Variants in TAF4 observed in about 807,000 individuals in gnomAD.
The protein encoded by TAF4 is TATA-box binding protein associated factor 4.
A neutral mutation model predicts 90.3 loss-of-function variants in TAF4; 9 were observed. That is an observed-to-expected ratio of 0.10 (90% CI 0.06 to 0.17). The LOEUF is 0.17. Ranked by LOEUF, TAF4 falls within the 10% of genes least tolerant of loss-of-function variation. The probability of loss-of-function intolerance (pLI) is 1.00; values close to 1 mark genes in which losing one functional copy is unlikely to be tolerated. For synonymous variants in TAF4, 818 were observed against 638.9 expected (o/e 1.28, Z -4.23); for missense variants, 1,351 against 1,370.7 (o/e 0.99, Z 0.23).
Position 62,065,222 on chromosome 20 carries a change from T to C in TAF4, c.589A>G (p.Thr197Ala). 8.8e-7 allele frequency: 1 copy of C among 1,139,146 alleles called. No homozygotes were observed. Among genetic ancestry groups the C allele is most frequent in the Non-Finnish European group, 1.1e-6 (1 of 912,218 alleles). 70.6% of individuals were successfully genotyped at this position (1,139,146 alleles called of 1,614,324 possible). ...GKPAGPGAAQ[T>A]LNGSAALLNS... Reference sequence around the variant, plus strand: ...AGCAGCGCGGCGCTCCCATTCAAAGTTTGCGCGGCGCCGGGGCCGGCGGGC... The same window carrying C: ...AGCAGCGCGGCGCTCCCATTCAAAGCTTGCGCGGCGCCGGGGCCGGCGGGC... The change falls in exon 1 of 15, where the codon ACT becomes GCT. Residue 197 changes from threonine (T) to alanine (A), a missense_variant. By Grantham distance (58) the Thr-to-Ala change is moderately conservative. This residue lies in a region of TAF4 where 782 missense variants were observed against 536.6 expected (regional missense o/e 1.46). Coordinates refer to ENST00000252996, the MANE Select transcript of TAF4 (RefSeq NM_003185.4).
chr20:62,021,340 A>G (rs2055841790), intron 1 of TAF4, among the ~76,000 whole-genome samples: 2 of 152,250 alleles, frequency 1.3e-5, no homozygotes, highest in Admixed American at 1.3e-4. Flanking sequence ...TCAAGGATGA[A>G]GCAGAAGGGA....
At chr20:62,029,477 C>CGT (rs758879604) in intron 1 of TAF4, among the ~76,000 whole-genome samples, 32 of 104,590 alleles carry the variant, frequency 3.1e-4, no homozygotes, top group African/African-American at 1.2e-3. Flanking sequence ...TGCCCACGTG[C>CGT]GCGCGCGCGC....
intron 1 of TAF4, among the ~76,000 whole-genome samples, chr20:62,015,466 G>A (rs2055807087): frequency 6.6e-6 from 1 of 152,186 alleles, no homozygotes; most frequent in Non-Finnish European, 1.5e-5. Context: ...AACTTCCCAT[G>A]ACAGAGGTGG....
chr20:62,010,271 C>T lies in TAF4; in HGVS notation c.1642-106G>A. The T allele has an allele frequency of 1.3e-6, 2 of 1,524,406 alleles. No homozygotes were observed. The highest frequency in any genetic ancestry group is 2.3e-5 in the East Asian group (1 of 43,444). The allele number at this position is 1,524,406 out of a possible 1,614,324, so 94.4% of individuals were successfully genotyped here. A position where few individuals can be genotyped will look rare whatever the true frequency, so the allele number is the denominator to read the frequency against. ...AAGAAAACAAGCCTCCCTGCGGTGGCCAGGACGCCCAGGAAGCCAAGGACC... is the reference window on the plus strand; with the variant it reads ...AAGAAAACAAGCCTCCCTGCGGTGGTCAGGACGCCCAGGAAGCCAAGGACC... On this transcript the variant is annotated intron_variant, in intron 3 of 14. Transcript: ENST00000252996. This position sits in a 1 kb window ranked among gnomAD's most constrained non-coding sequence, Gnocchi z 4.5.
chr20:61,979,583 G>T (rs1487006663), intron 14 of TAF4, among the ~76,000 whole-genome samples: 1 of 142,970 alleles, frequency 7.0e-6, no homozygotes, highest in Non-Finnish European at 1.5e-5. Flanking sequence ...CAGGCGCGAC[G>T]GCCTCTAGAG....
chr20:62,028,213 G>A (rs971257571), intron 1 of TAF4, among the ~76,000 whole-genome samples: 1 of 152,150 alleles, frequency 6.6e-6, no homozygotes, highest in African/African-American at 2.4e-5. Flanking sequence ...CCCAACACAC[G>A]GGTTCTGGCC....
chr20:62,012,500 C>CAG, intron 3 of TAF4: 1 of 215,098 alleles, frequency 4.6e-6, no homozygotes, highest in Non-Finnish European at 9.1e-6. Flanking sequence ...GCTTCTGCTT[C>CAG]AGACATGCCT....
chr20:62,016,337 T>G (rs1047670915), intron 1 of TAF4, among the ~76,000 whole-genome samples: 1 of 152,214 alleles, frequency 6.6e-6, no homozygotes, highest in Non-Finnish European at 1.5e-5. Context: ...AGGTTAACAT[T>G]TGAGTCAGCG....
intron 1 of TAF4, among the ~76,000 whole-genome samples, chr20:62,023,215 G>A (rs2055853671): frequency 6.6e-6 from 1 of 152,254 alleles, no homozygotes; most frequent in African/African-American, 2.4e-5. Flanking sequence ...GCCAAGGCGG[G>A]CAGATCATTT....
At chr20:62,012,651 G>A (rs1165084445) in intron 3 of TAF4, 164 bp downstream of exon 3, 21 of 953,176 alleles carry the variant, frequency 2.2e-5, no homozygotes, top group Non-Finnish European at 2.9e-5. Flanking sequence ...CCATGTTGGT[G>A]GTCAAAGAAA....
intron 1 of TAF4, among the ~76,000 whole-genome samples, chr20:62,019,578 G>A (rs900900967): frequency 3.3e-5 from 5 of 152,210 alleles, no homozygotes; most frequent in Non-Finnish European, 7.3e-5. Context: ...CAGTGGCCAC[G>A]AGACGCCTCC....
chr20:62,017,787 T>C (rs1480701114), intron 1 of TAF4, among the ~76,000 whole-genome samples: 10 of 151,688 alleles, frequency 6.6e-5, no homozygotes, highest in East Asian at 3.9e-4. Context: ...TGAGCCGAGA[T>C]TGCACCACTG....
At chr20:62,029,587 C>T (rs2145491963) in intron 1 of TAF4, among the ~76,000 whole-genome samples, 1 of 152,270 alleles carries the variant, frequency 6.6e-6, no homozygotes, top group Admixed American at 6.5e-5. Flanking sequence ...TGACTCCTGG[C>T]CTCCAGGAGC....
intron 1 of TAF4, among the ~76,000 whole-genome samples, chr20:62,063,585 C>T (rs931922189): frequency 6.6e-6 from 1 of 152,150 alleles, no homozygotes; most frequent in African/African-American, 2.4e-5. Flanking sequence ...GAAGTGGCGT[C>T]GGAGCCCCAG....
intron 1 of TAF4, among the ~76,000 whole-genome samples, chr20:62,052,326 A>C (rs1417518341): frequency 6.6e-6 from 1 of 152,042 alleles, no homozygotes; most frequent in Non-Finnish European, 1.5e-5. Flanking sequence ...CATGGCTCCA[A>C]GATCTCTCCT....
chr20:62,003,954 C>T, intron 7 of TAF4, 76 bp from the exon 8 acceptor site: 1 of 1,467,878 alleles, frequency 6.8e-7, no homozygotes, highest in Admixed American at 2.5e-5. Context: ...GCAGGAGGTT[C>T]TTCCCTTCCC....
At chr20:62,042,879 T>A (rs1047149888) in intron 1 of TAF4, among the ~76,000 whole-genome samples, 6 of 119,108 alleles carry the variant, frequency 5.0e-5, no homozygotes, top group Non-Finnish European at 1.0e-4. Context: ...GCTCCATGTG[T>A]GTTACTGCCC....
rs1334348913 is a variant in TAF4 at position 62,003,766 on chromosome 20, G to A, written c.2336C>T (p.Thr779Met). Reference sequence around the variant, plus strand: ...TGGGTTCAGCTGGATCTGCTGAGGCGTGGTGAGCATGATCCGGTTGTGAGG... The same window carrying A: ...TGGGTTCAGCTGGATCTGCTGAGGCATGGTGAGCATGATCCGGTTGTGAGG... ...RQPHNRIMLTTPQQIQLNPLQ... is the reference protein window; with the variant it reads ...RQPHNRIMLTMPQQIQLNPLQ... Residue 779 changes from threonine (T) to methionine (M), a missense_variant, in exon 8 of 15, where the codon ACG becomes ATG. Around this residue, in one of 9 missense-constraint regions of TAF4, gnomAD observed 202 missense variants for 229.7 expected, o/e 0.88. Transcript: ENST00000252996. 12 of 1,607,242 alleles carry A rather than the reference G, an allele frequency of 7.5e-6. No individual in the cohort carries two copies. The highest frequency in any genetic ancestry group is 1.3e-5 in the African/African-American group (1 of 74,846).
chr20:62,032,084 GGA>G (rs2055907548), intron 1 of TAF4, among the ~76,000 whole-genome samples: 1 of 152,212 alleles, frequency 6.6e-6, no homozygotes, highest in African/African-American at 2.4e-5. Flanking sequence ...CAGCACCTCT[GGA>G]GTCTCCATGT....
Sources: gnomAD v4.1 joint callset for allele counts (sites outside exome capture counted in the v4.1 genomes callset) on GRCh38, gnomAD v4.1.1 for gene constraint, gnomAD v4.1.1 regional missense constraint, Gnocchi (gnomAD v3.1) non-coding constraint, MANE v1.5 for transcripts, NCBI Gene and HGNC (gene_info 2026-07-23, HGNC 2026-07-21) for gene names.